MTHFD2: variants seen among roughly 807,000 people sequenced by gnomAD.
MTHFD2 encodes methylenetetrahydrofolate dehydrogenase (NADP+ dependent) 2, methenyltetrahydrofolate cyclohydrolase.
MTHFD2 carries 26 observed loss-of-function variants against 36.8 expected under a neutral mutation model. That is an observed-to-expected ratio of 0.71 (90% CI 0.52 to 0.98). MTHFD2 has a LOEUF of 0.98. Among genes scored for constraint, MTHFD2 ranks in the 50% least tolerant of loss-of-function variants. The probability of loss-of-function intolerance (pLI) is 0.00; values close to 1 mark genes in which losing one functional copy is unlikely to be tolerated. For synonymous variants in MTHFD2, 164 were observed against 155.2 expected, an observed-to-expected ratio of 1.06 and a Z score of -0.42; for missense variants, 373 against 434.0, an observed-to-expected ratio of 0.86 and a Z score of 1.25.
At chr2:74,202,818 G>A (rs187105622) in intron 1 of MTHFD2, among the ~76,000 whole-genome samples, 187 of 152,144 alleles carry the variant, frequency 1.2e-3, no homozygotes, top group Non-Finnish European at 2.1e-3. Context: ...GAGCCACCAT[G>A]CCCGGCCTGC....
chr2:74,204,254 CAT>C (rs1402634833), intron 1 of MTHFD2, among the ~76,000 whole-genome samples: 1 of 152,070 alleles, frequency 6.6e-6, no homozygotes, highest in Non-Finnish European at 1.5e-5. Flanking sequence ...ACTGTAAGGA[CAT>C]GTGTGAAAAT....
rs1694268491 is a variant in MTHFD2, at chr2:74,209,943, C to T, written c.564C>T (p.Gly188=). 3 of 1,610,452 alleles carry T rather than the reference C, an allele frequency of 1.9e-6. No homozygotes were observed. The highest frequency in any genetic ancestry group is 2.5e-6 in the Non-Finnish European group (3 of 1,178,368). Residue 188 remains glycine (G), a splice_region_variant and synonymous_variant, in exon 5 of 8, where the codon GGC becomes GGT. Coordinates refer to ENST00000394053, the MANE Select transcript of MTHFD2 (RefSeq NM_006636.4). The part of the protein sequence containing the change: ...WGVWEIIKRT[G]IPTLGKNVVV... ...ATGTCAATACATATATTTTTATAGG[C>T]ATTCCAACCCTAGGGAAGAATGTGG...
intron 7 of MTHFD2, among the ~76,000 whole-genome samples, chr2:74,213,270 CTTTTTTTTTT>C (rs10638050): frequency 1.2e-4 from 9 of 76,014 alleles, no homozygotes; most frequent in South Asian, 8.2e-4. Context: ...TTTTTCTTTC[CTTTTTTTTTT>C]TTTTTTTTTT....
At chr2:74,203,048 T>C (rs930164827) in intron 1 of MTHFD2, among the ~76,000 whole-genome samples, 1 of 152,174 alleles carries the variant, frequency 6.6e-6, no homozygotes, top group African/African-American at 2.4e-5. Flanking sequence ...TTACACAGTC[T>C]GGAGTGCAGT....
chr2:74,217,136 C>A lies in MTHFD2; in HGVS notation c.*2894C>A, dbSNP rs1173632091. The A allele has an allele frequency of 6.6e-6, 1 of 152,162 alleles. No homozygotes were observed. The highest frequency in any genetic ancestry group is 1.9e-4 in the East Asian group (1 of 5,198). 9.4% of individuals were successfully genotyped at this position (152,162 alleles called of 1,614,324 possible). On this transcript the variant is annotated 3_prime_UTR_variant, in exon 8 of 8. Transcript: ENST00000394053. ...GTCCTATACTCAAGGTGTTAATGAT[C>A]TAGTGTCATTTTTCTTTAAAAAAGA... is the stretch of plus-strand genomic sequence containing the variant.
chr2:74,200,169 TG>T (rs1185947852), intron 1 of MTHFD2, among the ~76,000 whole-genome samples: 1 of 152,188 alleles, frequency 6.6e-6, no homozygotes, highest in African/African-American at 2.4e-5. Flanking sequence ...ACCTCCCCCA[TG>T]TTTCGTTACT....
At chr2:74,202,371 C>T (rs1351451548) in intron 1 of MTHFD2, among the ~76,000 whole-genome samples, 1 of 151,992 alleles carries the variant, frequency 6.6e-6, no homozygotes, top group Non-Finnish European at 1.5e-5. Context: ...CTGTTCTAAG[C>T]CGTTTTAAAG....
chr2:74,200,645 A>G (rs1443989489), intron 1 of MTHFD2, among the ~76,000 whole-genome samples: 1 of 152,098 alleles, frequency 6.6e-6, no homozygotes, highest in African/African-American at 2.4e-5. Context: ...TAGGAAGTCA[A>G]TGGACTTTAG....
intron 1 of MTHFD2, among the ~76,000 whole-genome samples, chr2:74,203,919 A>AGTTTAGTTTAGTTTAGTT (rs1694116244): frequency 9.0e-6 from 1 of 110,888 alleles, no homozygotes; most frequent in Non-Finnish European, 1.9e-5. Flanking sequence ...AGTTTAGTTT[A>AGTTTAGTTTAGTTTAGTT]GTTTAGTTTT....
At chr2:74,199,280 G>C (rs1288058631) in intron 1 of MTHFD2, among the ~76,000 whole-genome samples, 1 of 152,134 alleles carries the variant, frequency 6.6e-6, no homozygotes. Context: ...CGGTGGGAGT[G>C]GCCCGCGCTG....
At chr2:74,210,411 T>C (rs1572988835) in intron 5 of MTHFD2, among the ~76,000 whole-genome samples, 1 of 152,204 alleles carries the variant, frequency 6.6e-6, no homozygotes, top group African/African-American at 2.4e-5. Context: ...TTGCAAAGGA[T>C]TGGATTGGTA....
chr2:74,203,846 G>C (rs1667607), intron 1 of MTHFD2, among the ~76,000 whole-genome samples: 2 of 132,558 alleles, frequency 1.5e-5, no homozygotes, highest in African/African-American at 2.6e-5. Flanking sequence ...TGCTCATCTA[G>C]TTTAGTTTAG....
At chr2:74,202,326 TTA>T (rs1441903238) in intron 1 of MTHFD2, among the ~76,000 whole-genome samples, 1 of 152,140 alleles carries the variant, frequency 6.6e-6, no homozygotes, top group Non-Finnish European at 1.5e-5. Flanking sequence ...GCCTGGCACA[TTA>T]TATATGTTTG....
chr2:74,205,365 T>G (rs1352936842), intron 1 of MTHFD2, among the ~76,000 whole-genome samples: 1 of 152,158 alleles, frequency 6.6e-6, no homozygotes, highest in African/African-American at 2.4e-5. Flanking sequence ...CAGGGTGGTG[T>G]AGCAGTTAAG....
At chr2:74,212,257 CTTTCTCTTT>C (rs1694324268) in intron 7 of MTHFD2, among the ~76,000 whole-genome samples, 1 of 57,476 alleles carries the variant, frequency 1.7e-5, no homozygotes, top group Non-Finnish European at 3.0e-5. Context: ...TCCTTCGTTT[CTTTCTCTTT>C]TTTTTTTTTT....
intron 2 of MTHFD2, chr2:74,206,276 A>G (rs1694177535): frequency 5.9e-6 from 1 of 168,588 alleles, no homozygotes; most frequent in South Asian, 1.5e-4. Context: ...TGAGCAATAC[A>G]GTATTAGGTG....
chr2:74,211,396 G>T, intron 6 of MTHFD2, 105 bp downstream of exon 6: 1 of 719,108 alleles, frequency 1.4e-6, no homozygotes, highest in African/African-American at 1.8e-5. Flanking sequence ...CATTCCCCTT[G>T]TAATGATTCT....
Position 74,217,420 on chromosome 2 carries a change from T to G in MTHFD2, c.*3178T>G, listed in dbSNP as rs1191442410. On this transcript the variant is annotated 3_prime_UTR_variant, in exon 8 of 8. Transcript: ENST00000394053. ...TGGTTTTTATCTTCCCAAATAGTTT[T>G]CAATCATTCCTTTAAAGTACTAGGT... 1 of 152,208 alleles carries G rather than the reference T, an allele frequency of 6.6e-6. No individual in the cohort carries two copies. The highest frequency in any genetic ancestry group is 1.5e-5 in the Non-Finnish European group (1 of 68,032). 9.4% of individuals were successfully genotyped at this position (152,208 alleles called of 1,614,324 possible).
Position 74,198,757 on chromosome 2 carries a change from G to A in MTHFD2, c.101+15G>A, listed in dbSNP as rs776998649. On this transcript the variant is annotated intron_variant, in intron 1 of 7. Coordinates refer to ENST00000394053, the MANE Select transcript of MTHFD2 (RefSeq NM_006636.4). ...GCGGCAGTTCGGTAAGAGGGTCACA[G>A]AGCTCGGTCAGCGCGGAAAGCTGAG... The A allele has an allele frequency of 9.4e-6, 15 of 1,595,672 alleles. No individual in the cohort carries two copies. The East Asian group carries it at 3.4e-4, about 36-fold the overall frequency.
Sources: gnomAD v4.1 joint callset for allele counts (sites outside exome capture counted in the v4.1 genomes callset) on GRCh38, gnomAD v4.1.1 for gene constraint, MANE v1.5 for transcripts, NCBI Gene and HGNC (gene_info 2026-07-23, HGNC 2026-07-21) for gene names.